The following PRICKLE1 variants were observed in gnomAD, a reference collection of about 807,000 sequenced individuals.
PRICKLE1 encodes the protein prickle-like protein 1.
In PRICKLE1, 14 loss-of-function variants were observed where a neutral mutation model predicts 70.2. The ratio of observed to expected loss-of-function variants is 0.20; its 90% confidence interval spans 0.13 to 0.31. The LOEUF (loss-of-function observed/expected upper bound fraction) is 0.31. Among genes scored for constraint, PRICKLE1 ranks in the 10% least tolerant of loss-of-function variants. PRICKLE1 has a pLI of 1.00. For missense variants in PRICKLE1, 821 were observed against 1,026.2 expected, an observed-to-expected ratio of 0.80 and a Z score of 2.73; for synonymous variants, 357 against 379.9, an observed-to-expected ratio of 0.94 and a Z score of 0.70.
intron 1 of PRICKLE1, among the ~76,000 whole-genome samples, chr12:42,533,549 T>C (rs1463018975): frequency 1.3e-5 from 2 of 152,208 alleles, no homozygotes; most frequent in Non-Finnish European, 2.9e-5. Context: ...TCATTGCCTG[T>C]TAAATAACCA....
At position 42,475,513 on chromosome 12, in the gene PRICKLE1, G is replaced by C. The variant is rs549290589; in HGVS notation, c.-48-2949C>G. Among the ~76,000 whole-genome samples, 17 of 152,210 alleles carry C rather than the reference G, an allele frequency of 1.1e-4. 1 individual carries two copies. The highest frequency in any genetic ancestry group is 4.6e-4 in the Admixed American group (7 of 15,288). ...CCTGCAACCCCACACTGCCTCCAGG[G>C]GGGGAGTGCTGATGGAGCCAATTCC... On this transcript the variant is annotated intron_variant, in intron 1 of 7. Transcript: ENST00000345127.
At chr12:42,540,287 T>A (rs10506209) in intron 1 of PRICKLE1, among the ~76,000 whole-genome samples, 10,119 of 152,216 alleles carry the variant, frequency 0.066, 431 homozygotes, top group Middle Eastern at 0.11. Context: ...AGTGTCACAG[T>A]TAAGAGTTTG....
intron 1 of PRICKLE1, among the ~76,000 whole-genome samples, chr12:42,530,505 C>T (rs1275496569): frequency 6.6e-6 from 1 of 151,950 alleles, no homozygotes; most frequent in African/African-American, 2.4e-5. Flanking sequence ...TTTAATACTA[C>T]TCAGGGGATA....
intron 1 of PRICKLE1, among the ~76,000 whole-genome samples, chr12:42,495,682 G>A (rs1364355496): frequency 5.9e-5 from 9 of 151,544 alleles, no homozygotes; most frequent in African/African-American, 1.5e-4. Context: ...TCCGCCTCCC[G>A]GGTTCAAGTG....
In PRICKLE1 at chr12:42,459,282, C is replaced by T. The variant is rs12658; in HGVS notation, c.*527G>A. 1.0e-5 allele frequency: 7 copies of T among 700,864 alleles called. No homozygotes were observed. The highest frequency in any genetic ancestry group is 2.0e-5 in the Admixed American group (1 of 49,778). 43.4% of individuals were successfully genotyped at this position (700,864 alleles called of 1,614,324 possible). On this transcript the variant is annotated 3_prime_UTR_variant, in exon 8 of 8. Transcript: ENST00000345127. ...TTTTTTTTTTTCAATCTGTAGCTGG[C>T]GCTGATACAATACAATGTTTACCTG... is the stretch of plus-strand genomic sequence containing the variant.
At chr12:42,521,460 G>A (rs1939706998) in intron 1 of PRICKLE1, among the ~76,000 whole-genome samples, 1 of 152,144 alleles carries the variant, frequency 6.6e-6, no homozygotes, top group African/African-American at 2.4e-5. Flanking sequence ...AGCACTTTGG[G>A]AGGCCGAGGT....
chr12:42,547,184 G>A (rs965647480), intron 1 of PRICKLE1, among the ~76,000 whole-genome samples: 1 of 152,146 alleles, frequency 6.6e-6, no homozygotes, highest in African/African-American at 2.4e-5. Flanking sequence ...CTTAGAATTG[G>A]AAGGGTCTTA....
chr12:42,571,641 A>G (rs757379470), intron 1 of PRICKLE1, among the ~76,000 whole-genome samples: 8 of 152,242 alleles, frequency 5.3e-5, no homozygotes, highest in Non-Finnish European at 1.0e-4. Context: ...TTTATGATGC[A>G]GGAGTATGAA....
chr12:42,578,550 A>C (rs2120784616), intron 1 of PRICKLE1, among the ~76,000 whole-genome samples: 1 of 152,230 alleles, frequency 6.6e-6, no homozygotes, highest in Non-Finnish European at 1.5e-5. Context: ...GTTATTTGAT[A>C]CGCATCTTTC....
intron 1 of PRICKLE1, among the ~76,000 whole-genome samples, chr12:42,500,317 A>T (rs1037145887): frequency 6.6e-6 from 1 of 152,224 alleles, no homozygotes; most frequent in Non-Finnish European, 1.5e-5. Flanking sequence ...TTTATTGTCC[A>T]AATACAACAA....
chr12:42,573,339 T>C (rs747949498), intron 1 of PRICKLE1, among the ~76,000 whole-genome samples: 2 of 152,172 alleles, frequency 1.3e-5, no homozygotes, highest in African/African-American at 2.4e-5. Flanking sequence ...AATTCTGCGC[T>C]GGGCTGCTTT....
At chr12:42,534,446 C>T (rs1939984052) in intron 1 of PRICKLE1, among the ~76,000 whole-genome samples, 1 of 152,112 alleles carries the variant, frequency 6.6e-6, no homozygotes, top group African/African-American at 2.4e-5. Flanking sequence ...CAGGGGCCAG[C>T]AACAGTGTGT....
chr12:42,565,188 G>T (rs987012270), intron 1 of PRICKLE1, among the ~76,000 whole-genome samples: 1 of 152,166 alleles, frequency 6.6e-6, no homozygotes, highest in Non-Finnish European at 1.5e-5. Flanking sequence ...CAGCACATCT[G>T]GGGTAGAGCC....
At chr12:42,557,492 A>G (rs573983193) in intron 1 of PRICKLE1, among the ~76,000 whole-genome samples, 2 of 152,332 alleles carry the variant, frequency 1.3e-5, no homozygotes, top group Admixed American at 6.5e-5. Flanking sequence ...TCCCTCCCCA[A>G]CATATGCTTC....
At chr12:42,460,730 TA>T (rs1186219977) in intron 7 of PRICKLE1, 65 bp from the exon 8 acceptor site, 5 of 1,558,596 alleles carry the variant, frequency 3.2e-6, no homozygotes, top group African/African-American at 1.3e-5. Flanking sequence ...TACTTAAAAG[TA>T]AGCTACTGAA....
At chr12:42,524,458 G>C (rs1939766103) in intron 1 of PRICKLE1, among the ~76,000 whole-genome samples, 1 of 152,070 alleles carries the variant, frequency 6.6e-6, no homozygotes, top group African/African-American at 2.4e-5. Flanking sequence ...CTGTCACCCA[G>C]GCTGGAGTGC....
At chr12:42,473,508 T>C (rs1566088136) in intron 1 of PRICKLE1, among the ~76,000 whole-genome samples, 1 of 152,234 alleles carries the variant, frequency 6.6e-6, no homozygotes, top group African/African-American at 2.4e-5. Flanking sequence ...ATGTTCTTTG[T>C]ATCTTCTGAT....
At chr12:42,497,709 C>A (rs1351425564) in intron 1 of PRICKLE1, among the ~76,000 whole-genome samples, 1 of 152,102 alleles carries the variant, frequency 6.6e-6, no homozygotes, top group East Asian at 1.9e-4. Context: ...CTAGAATTAT[C>A]AAAATGTGAC....
intron 1 of PRICKLE1, among the ~76,000 whole-genome samples, chr12:42,521,070 T>C (rs1005970315): frequency 2.0e-5 from 3 of 151,842 alleles, no homozygotes; most frequent in African/African-American, 4.8e-5. Context: ...ACTCAGGAGG[T>C]TGAGGCAGGA....
Sources: allele counts gnomAD v4.1 joint callset (sites outside exome capture counted in the v4.1 genomes callset), GRCh38; gene constraint gnomAD v4.1.1; transcripts MANE v1.5; gene names NCBI Gene and HGNC (gene_info 2026-07-23, HGNC 2026-07-21).